KHSRP: variants seen among roughly 807,000 people sequenced by gnomAD.
KHSRP encodes far upstream element-binding protein 2.
Under a neutral mutation model 94.9 loss-of-function variants are expected in KHSRP, and 13 were observed. That is an observed-to-expected ratio of 0.14 (90% CI 0.09 to 0.22). KHSRP has a LOEUF of 0.22. Ranked by LOEUF, KHSRP falls within the 10% of genes least tolerant of loss-of-function variation. The pLI is 1.00. For missense variants in KHSRP, 710 were observed against 1,010.0 expected (o/e 0.70, Z 4.03); for synonymous variants, 495 against 401.4 (o/e 1.23, Z -2.79).
At position 6,418,018 on chromosome 19, in the gene KHSRP, C is replaced by T. The variant is rs2092164664; in HGVS notation, c.941G>A (p.Arg314Gln). Residue 314 changes from arginine (R) to glutamine (Q), a missense_variant, in exon 10 of 19, where the codon CGG becomes CAG. Around this residue, in one of 5 missense-constraint regions of KHSRP, gnomAD observed 288 missense variants for 501.1 expected, o/e 0.57. Transcript: ENST00000600480. The surrounding 1 kb of genome is among the most constrained non-coding windows in gnomAD (Gnocchi z 4.3). ...RERDQGGFGD[R>Q]NEYGSRIGGG... ...GCCAATCCGAGATCCGTACTCATTC[C>T]GGTCCCCAAAGCCGCCTTGGTCACG... 2.5e-6 allele frequency: 4 copies of T among 1,614,012 alleles called. No homozygotes were observed. Among genetic ancestry groups the T allele is most frequent in the Non-Finnish European group, 3.4e-6 (4 of 1,179,878 alleles).
rs1491454488 is a variant in KHSRP, at chr19:6,418,386, A to AT, written c.879+96dup. The AT allele has an allele frequency of 1.0e-5, 9 of 870,840 alleles. No individual in the cohort carries two copies. The highest frequency in any genetic ancestry group is 8.4e-5 in the Admixed American group (4 of 47,548). The allele number at this position is 870,840 out of a possible 1,614,324, so 53.9% of individuals were successfully genotyped here. A position where few individuals can be genotyped will look rare whatever the true frequency, so the allele number is the denominator to read the frequency against. ...CTTGGTGTTATGACCGACTGTTCAC[A>AT]TATCTCTCTGGCGGAATGCAGACCC... On this transcript the variant is annotated intron_variant, in intron 9 of 18. Coordinates refer to ENST00000600480, the MANE Select transcript of KHSRP (RefSeq NM_001366299.1). This position sits in a 1 kb window ranked among gnomAD's most constrained non-coding sequence, Gnocchi z 4.3.
In KHSRP at chr19:6,417,598, C is replaced by T. The variant is rs2092159305; in HGVS notation, c.1081+141G>A. On this transcript the variant is annotated intron_variant, in intron 11 of 18. Transcript: ENST00000600480. ...TGTCCCAGAGAAGAGAAGGGACTGG[C>T]CATGTTCTGACGGCTGGACTAAGAG... The T allele has an allele frequency of 6.0e-6, 4 of 661,484 alleles. No individual in the cohort carries two copies. The East Asian group carries it at 1.1e-4, about 18-fold the overall frequency. 41.0% of individuals were successfully genotyped at this position (661,484 alleles called of 1,614,324 possible). A position where few individuals can be genotyped will look rare whatever the true frequency, so the allele number is the denominator to read the frequency against.
chr19:6,424,454 T>C lies in KHSRP; in HGVS notation c.248A>G (p.Gln83Arg). ...CCCTCAGGCCCTCGGCCTCCTCACCTGGCGGGCCCGCTGCACGGCGTCGGC... is the reference window on the plus strand; with the variant it reads ...CCCTCAGGCCCTCGGCCTCCTCACCCGGCGGGCCCGCTGCACGGCGTCGGC... ...AFADAVQRAR[Q>R]IAAKIGGDAA... The change falls in exon 1 of 19, where the codon CAG (glutamine) becomes CGG (arginine). Residue 83 changes from glutamine (Q) to arginine (R), a missense_variant and splice_region_variant. Physicochemically the swap from Gln to Arg is conservative, Grantham distance 43. Around this residue, in one of 5 missense-constraint regions of KHSRP, gnomAD observed 288 missense variants for 501.1 expected, o/e 0.57. Coordinates refer to ENST00000600480, the MANE Select transcript of KHSRP (RefSeq NM_001366299.1). The C allele has an allele frequency of 1.0e-6, 1 of 985,998 alleles. No individual in the cohort carries two copies. Among genetic ancestry groups the C allele is most frequent in the Non-Finnish European group, 1.2e-6 (1 of 832,380 alleles). 61.1% of individuals were successfully genotyped at this position (985,998 alleles called of 1,614,324 possible). A position where few individuals can be genotyped will look rare whatever the true frequency, so the allele number is the denominator to read the frequency against.
intron 10 of KHSRP, 66 bp downstream of exon 10, chr19:6,417,915 C>G: frequency 6.2e-7 from 1 of 1,602,640 alleles, no homozygotes; most frequent in African/African-American, 1.3e-5. Context: ...CCACAAGGAG[C>G]CACTCACCCC....
chr19:6,423,090 C>A (rs1021538675), intron 1 of KHSRP, among the ~76,000 whole-genome samples: 2 of 152,148 alleles, frequency 1.3e-5, no homozygotes, highest in African/African-American at 4.8e-5. Flanking sequence ...GACAGACTGG[C>A]TGACATGGTC....
Position 6,414,163 on chromosome 19 carries a change from GAA to G in KHSRP, c.*859_*860del. The G allele has an allele frequency of 1.1e-6, 1 of 939,786 alleles. No individual in the cohort carries two copies. The highest frequency in any genetic ancestry group is 1.3e-5 in the South Asian group (1 of 76,830). 58.2% of individuals were successfully genotyped at this position (939,786 alleles called of 1,614,324 possible). On this transcript the variant is annotated 3_prime_UTR_variant, in exon 19 of 19. Coordinates refer to ENST00000600480, the MANE Select transcript of KHSRP (RefSeq NM_001366299.1). ...ATAGGAATTGGTCACTACGGGGAGG[GAA>G]GGGTGGGAGACTAGGGGGCGGAAGA...
rs375598365 is a variant in KHSRP at position 6,413,640 on chromosome 19, C to CTT, written c.*1382_*1383dup. ...TAAAAAAAAGAAATAGCAAGAGTGA[C>CTT]TTTTTTTTTTCCTTTTTAAAAGTTT... is the stretch of plus-strand genomic sequence containing the variant. On this transcript the variant is annotated 3_prime_UTR_variant, in exon 19 of 19. Coordinates refer to ENST00000600480, the MANE Select transcript of KHSRP (RefSeq NM_001366299.1). The CTT allele has an allele frequency of 6.3e-6, 1 of 157,926 alleles. No individual in the cohort carries two copies. Among genetic ancestry groups the CTT allele is most frequent in the Admixed American group, 6.5e-5 (1 of 15,318 alleles). 9.8% of individuals were successfully genotyped at this position (157,926 alleles called of 1,614,324 possible).
chr19:6,423,100 C>G (rs77618636), intron 1 of KHSRP, among the ~76,000 whole-genome samples: 1,567 of 152,188 alleles, frequency 0.01, 15 homozygotes, highest in South Asian at 0.029. Context: ...CTGACATGGT[C>G]AAACTCCATC....
At position 6,416,505 on chromosome 19, in the gene KHSRP, G is replaced by A. The variant is rs762889381; in HGVS notation, c.1473C>T (p.Ile491=). The change falls in exon 14 of 19, where the codon ATC becomes ATT. Residue 491 remains isoleucine, a synonymous_variant. Transcript: ENST00000600480. ...PQQIDHAKQL[I]EEKIEGPLCP... is the part of the protein sequence containing the mutation. ...CCCAACCCACCTCGATCTTTTCCTC[G>A]ATAAGCTGCTTGGCGTGGTCAATCT... 4.3e-6 allele frequency: 7 copies of A among 1,612,904 alleles called. No homozygotes were observed. Among genetic ancestry groups the A allele is most frequent in the African/African-American group, 1.3e-5 (1 of 74,888 alleles).
At chr19:6,417,700 G>A in intron 11 of KHSRP, 39 bp downstream of exon 11, 4 of 1,556,682 alleles carry the variant, frequency 2.6e-6, no homozygotes, top group Non-Finnish European at 3.5e-6. Context: ...AAGAGGGTGG[G>A]GGTGCACTGG....
Position 6,415,725 on chromosome 19 carries a change from G to C in KHSRP, c.1697C>G (p.Ala566Gly), listed in dbSNP as rs1300059831. 2 of 1,550,184 alleles carry C rather than the reference G, an allele frequency of 1.3e-6. No individual in the cohort carries two copies. The highest frequency in any genetic ancestry group is 2.4e-5 in the East Asian group (1 of 40,930). Residue 566 changes from alanine (A) to glycine (G), a missense_variant, in exon 17 of 19, where the codon GCT becomes GGT. Around this residue, in one of 5 missense-constraint regions of KHSRP, gnomAD observed 292 missense variants for 340.5 expected, o/e 0.86. Coordinates refer to ENST00000600480, the MANE Select transcript of KHSRP (RefSeq NM_001366299.1). The stretch of plus-strand genomic sequence containing the variant: ...GGCGTTGGGGTCCGCGGCCGCTGCA[G>C]CTGCTTTGCCTGCAGGAGATACCTC... ...PPAPHDPSKA[A>G]AAAADPNAAW...
chr19:6,422,411 G>T lies in KHSRP; in HGVS notation c.275C>A (p.Ala92Asp). 1 of 1,613,688 alleles carries T rather than the reference G, an allele frequency of 6.2e-7. No individual in the cohort carries two copies. The highest frequency in any genetic ancestry group is 8.5e-7 in the Non-Finnish European group (1 of 1,179,756). The change falls in exon 2 of 19, where the codon GCT becomes GAT. Residue 92 changes from alanine to aspartate, a missense_variant. Ala to Asp is a moderately radical substitution (Grantham distance 126). Coordinates refer to ENST00000600480, the MANE Select transcript of KHSRP (RefSeq NM_001366299.1). ...AGTGCTGTTATTCACTGTCGTGGCA[G>T]CATCGCCTCCAATTTTGGCTGCAAT... The part of the protein sequence containing the change: ...RQIAAKIGGD[A>D]ATTVNNSTPD...
chr19:6,420,082 T>C lies in KHSRP; in HGVS notation c.538A>G (p.Ile180Val). The change falls in exon 6 of 19, where the codon ATT (isoleucine) becomes GTT (valine). Residue 180 changes from isoleucine (I) to valine (V), a missense_variant. Transcript: ENST00000600480. ...IQQDSGCKVQISPDSGGLPER... is the reference protein window; with the variant it reads ...IQQDSGCKVQVSPDSGGLPER... ...CCTGACGCTCTTATACCTGGAGAAA[T>C]CTGTACTTTGCAGCCTGAATCCTGT... The C allele has an allele frequency of 6.2e-7, 1 of 1,613,112 alleles. No individual in the cohort carries two copies. Among genetic ancestry groups the C allele is most frequent in the Non-Finnish European group, 8.5e-7 (1 of 1,179,128 alleles).
At position 6,418,380 on chromosome 19, in the gene KHSRP, G is replaced by A. The variant is rs2092169607; in HGVS notation, c.879+103C>T. The A allele has an allele frequency of 2.4e-6, 2 of 836,646 alleles. No individual in the cohort carries two copies. Among genetic ancestry groups the A allele is most frequent in the African/African-American group, 1.7e-5 (1 of 59,254 alleles). 51.8% of individuals were successfully genotyped at this position (836,646 alleles called of 1,614,324 possible). A position where few individuals can be genotyped will look rare whatever the true frequency, so the allele number is the denominator to read the frequency against. On this transcript the variant is annotated intron_variant, in intron 9 of 18. Coordinates refer to ENST00000600480, the MANE Select transcript of KHSRP (RefSeq NM_001366299.1). This position sits in a 1 kb window ranked among gnomAD's most constrained non-coding sequence, Gnocchi z 4.3. ...AAGCCTCTTGGTGTTATGACCGACT[G>A]TTCACATATCTCTCTGGCGGAATGC...
Position 6,415,644 on chromosome 19 carries a change from C to A in KHSRP, c.1778G>T (p.Gly593Val), listed in dbSNP as rs772338958. Residue 593 changes from glycine (G) to valine (V), a missense_variant, in exon 17 of 19, where the codon GGC (glycine) becomes GTC (valine). Transcript: ENST00000600480. ...YYQQPPGPVPGPAPAPAAPPA... is the reference protein window; with the variant it reads ...YYQQPPGPVPVPAPAPAAPPA... ...TGGGGCCGCAGGGGCCGGTGCGGGG[C>A]CGGGGACGGGGCCCGGGGGCTGCTG... The A allele has an allele frequency of 4.6e-6, 7 of 1,534,628 alleles. No individual in the cohort carries two copies. In the Admixed American group the frequency reaches 6.0e-5, roughly 13 times the overall value.
chr19:6,415,567 T>C lies in KHSRP; in HGVS notation c.1855A>G (p.Thr619Ala), dbSNP rs1285750467. 1.3e-6 allele frequency: 2 copies of C among 1,525,596 alleles called. No individual in the cohort carries two copies. The highest frequency in any genetic ancestry group is 1.8e-6 in the Non-Finnish European group (2 of 1,135,500). The allele number at this position is 1,525,596 out of a possible 1,614,324, so 94.5% of individuals were successfully genotyped here. A position where few individuals can be genotyped will look rare whatever the true frequency, so the allele number is the denominator to read the frequency against. The change falls in exon 17 of 19, where the codon ACT becomes GCT. Residue 619 changes from threonine to alanine, a missense_variant. Thr to Ala is a moderately conservative substitution (Grantham distance 58). Around this residue, in one of 5 missense-constraint regions of KHSRP, gnomAD observed 292 missense variants for 340.5 expected, o/e 0.86. Coordinates refer to ENST00000600480, the MANE Select transcript of KHSRP (RefSeq NM_001366299.1). ...TTGTAATACTCTTCCCAGGCCTTAGTGTAGTCCGACTGGCCGGTGGGTGGG... is the reference window on the plus strand; with the variant it reads ...TTGTAATACTCTTCCCAGGCCTTAGCGTAGTCCGACTGGCCGGTGGGTGGG... ...QPPPTGQSDY[T>A]KAWEEYYKKI...
chr19:6,424,390 C>G, intron 1 of KHSRP, 63 bp downstream of exon 1: 1 of 885,818 alleles, frequency 1.1e-6, no homozygotes, highest in Non-Finnish European at 1.4e-6. Flanking sequence ...GCACGTGACC[C>G]CCGCCCCCTC....
intron 1 of KHSRP, among the ~76,000 whole-genome samples, chr19:6,423,724 A>G (rs979828799): frequency 1.3e-5 from 2 of 152,190 alleles, no homozygotes; most frequent in Non-Finnish European, 2.9e-5. Flanking sequence ...TCGGCGGCAA[A>G]GTCCTCCCAT....
intron 3 of KHSRP, 99 bp from the exon 4 acceptor site, chr19:6,421,416 G>C: frequency 7.9e-7 from 1 of 1,272,002 alleles, no homozygotes. Flanking sequence ...CGGCACCACG[G>C]TCCCCAGCCT....
Sources: gnomAD v4.1 joint callset for allele counts (sites outside exome capture counted in the v4.1 genomes callset) on GRCh38, gnomAD v4.1.1 for gene constraint, gnomAD v4.1.1 regional missense constraint, Gnocchi (gnomAD v3.1) non-coding constraint, MANE v1.5 for transcripts, NCBI Gene and HGNC (gene_info 2026-07-23, HGNC 2026-07-21) for gene names.